WNK3: variants seen among roughly 807,000 people sequenced by gnomAD.
WNK3 encodes serine/threonine-protein kinase WNK3.
WNK3 carries 18 observed loss-of-function variants against 116.7 expected under a neutral mutation model. The observed-to-expected ratio is 0.15, with a 90% confidence interval of 0.11 to 0.23. WNK3 has a LOEUF of 0.23. Among genes scored for constraint, WNK3 ranks in the 10% least tolerant of loss-of-function variants. The pLI is 1.00. For missense variants in WNK3, 993 were observed against 1,323.8 expected (o/e 0.75, Z 3.88); for synonymous variants, 404 against 469.4 (o/e 0.86, Z 1.80).
At chrX:54,290,746 C>T (rs2068629093) in intron 10 of WNK3, among the ~76,000 whole-genome samples, 1 of 111,455 alleles carries the variant, frequency 9.0e-6, no homozygotes, top group African/African-American at 3.3e-5. Context: ...AGTATCATTC[C>T]TAAAATGAAT....
chrX:54,229,593 AC>A (rs1254984516), intron 21 of WNK3, among the ~76,000 whole-genome samples: 1 of 111,057 alleles, frequency 9.0e-6, no homozygotes, highest in African/African-American at 3.3e-5. Context: ...GAAACATAAT[AC>A]CTAATTTTAA....
chrX:54,341,662 T>G (rs185853987), intron 1 of WNK3, among the ~76,000 whole-genome samples: 2 of 111,168 alleles, frequency 1.8e-5, no homozygotes, highest in African/African-American at 6.5e-5. Flanking sequence ...GGATGAACCA[T>G]GAAGACATTA....
At chrX:54,194,448 T>C (rs2067426340) in exon 24 of WNK3, 1 of 112,225 alleles carries the variant, frequency 8.9e-6, no homozygotes, top group African/African-American at 3.2e-5. Flanking sequence ...AGACGAGAAA[T>C]GCATCTCTAA....
intron 22 of WNK3, among the ~76,000 whole-genome samples, chrX:54,207,044 G>A (rs2067560847): frequency 9.3e-6 from 1 of 107,434 alleles, no homozygotes; most frequent in Non-Finnish European, 1.9e-5. Context: ...GAATAAATAA[G>A]TAAAAAATAA....
intron 11 of WNK3, among the ~76,000 whole-genome samples, chrX:54,256,896 C>A (rs782203505): frequency 1.8e-5 from 2 of 112,324 alleles, no homozygotes; most frequent in South Asian, 7.4e-4. Flanking sequence ...TGGGCTATAT[C>A]ATTCACATTC....
rs782383392 is a variant in WNK3 at position 54,197,103 on chromosome X, T to C, written c.*1221A>G. ...AAGTCTCGAAACCTACTGTGTCAAG[T>C]AAATTTCACTTCAGAAGAATGGATT... On this transcript the variant is annotated 3_prime_UTR_variant, in exon 24 of 24. Transcript: ENST00000354646. The C allele has an allele frequency of 2.8e-4, 31 of 112,075 alleles. 1 individual carries two copies. Among genetic ancestry groups the C allele is most frequent in the Non-Finnish European group, 1.5e-4 (8 of 53,177 alleles). 9.2% of individuals were successfully genotyped at this position (112,075 alleles called of 1,213,427 possible).
intron 3 of WNK3, among the ~76,000 whole-genome samples, chrX:54,310,315 C>T (rs1453606925): frequency 3.6e-5 from 4 of 109,744 alleles, no homozygotes; most frequent in African/African-American, 1.3e-4. Context: ...CTGAGGTGGG[C>T]AGATTGCTTT....
rs1329710503 is a variant in WNK3, at chrX:54,207,777, G to A, written c.4871-5584C>T. The stretch of plus-strand genomic sequence containing the variant: ...GATCCACCCGCCCCAGCCTCCCAAA[G>A]TGCTGGGATTACAGGCGTGAGCCAC... On this transcript the variant is annotated intron_variant, in intron 22 of 23. Transcript: ENST00000354646. Among the ~76,000 whole-genome samples the A allele has an allele frequency of 2.7e-5, 3 of 110,622 alleles. No homozygotes were observed. In the East Asian group the frequency reaches 8.5e-4, roughly 31 times the overall value.
intron 22 of WNK3, among the ~76,000 whole-genome samples, chrX:54,222,920 A>AG (rs2067785594): frequency 1.1e-5 from 1 of 90,913 alleles, no homozygotes; most frequent in Non-Finnish European, 2.0e-5. Flanking sequence ...ATAATAATAT[A>AG]TATATATATA....
At chrX:54,347,105 T>C (rs1557177752) in intron 1 of WNK3, among the ~76,000 whole-genome samples, 1 of 111,986 alleles carries the variant, frequency 8.9e-6, no homozygotes, top group African/African-American at 3.2e-5. Context: ...TCTTACTAAG[T>C]TCACAGTTAT....
chrX:54,221,817 G>C (rs1205904939), intron 22 of WNK3, among the ~76,000 whole-genome samples: 4 of 108,632 alleles, frequency 3.7e-5, no homozygotes, highest in Non-Finnish European at 7.7e-5. Context: ...CTGGGCAACA[G>C]AGCAAGACCC....
At chrX:54,193,793 T>G (rs782112719) in exon 24 of WNK3, 16 of 111,610 alleles carry the variant, frequency 1.4e-4, no homozygotes, top group African/African-American at 5.2e-4. Context: ...CGATCTGCAT[T>G]TTTAAAATTT....
intron 1 of WNK3, among the ~76,000 whole-genome samples, chrX:54,354,293 C>G (rs2069561591): frequency 9.0e-6 from 1 of 111,586 alleles, no homozygotes; most frequent in South Asian, 3.8e-4. Context: ...CAAATATCTC[C>G]TAACGGCATC....
intron 1 of WNK3, among the ~76,000 whole-genome samples, chrX:54,355,339 T>C (rs1557179235): frequency 9.0e-6 from 1 of 111,488 alleles, no homozygotes; most frequent in Non-Finnish European, 1.9e-5. Flanking sequence ...TACTAGGGCA[T>C]GTCTTGTTTT....
intron 2 of WNK3, among the ~76,000 whole-genome samples, chrX:54,314,171 C>A (rs782364313): frequency 1.0e-5 from 1 of 95,241 alleles, no homozygotes; most frequent in Admixed American, 1.2e-4. Context: ...CCAGCCTGGG[C>A]GACAGAGTGA....
intron 7 of WNK3, 103 bp downstream of exon 7, chrX:54,298,072 C>CA (rs1328290041): frequency 1.2e-4 from 71 of 601,050 alleles, no homozygotes; most frequent in Non-Finnish European, 1.5e-4. Flanking sequence ...GACTCTGTCT[C>CA]AAAAAAAAGG....
At chrX:54,222,915 A>ATATATATATATATATAT (rs1557146885) in intron 22 of WNK3, among the ~76,000 whole-genome samples, 1 of 81,020 alleles carries the variant, frequency 1.2e-5, no homozygotes, top group Admixed American at 1.5e-4. Flanking sequence ...TAATAATAAT[A>ATATATATATATATATAT]ATATATATAT....
exon 15 of WNK3, chrX:54,251,419 G>T: frequency 8.5e-7 from 1 of 1,181,592 alleles, no homozygotes; most frequent in Non-Finnish European, 1.1e-6. Context: ...AGTAGATGTA[G>T]AATTTATCTG....
At chrX:54,312,009 G>A (rs781875160) in intron 2 of WNK3, among the ~76,000 whole-genome samples, 1 of 111,049 alleles carries the variant, frequency 9.0e-6, no homozygotes, top group Non-Finnish European at 1.9e-5. Flanking sequence ...TAAAAATTTG[G>A]ACACAAAAAG....
Sources: allele counts gnomAD v4.1 joint callset (sites outside exome capture counted in the v4.1 genomes callset), GRCh38; gene constraint gnomAD v4.1.1; transcripts MANE v1.5; gene names NCBI Gene and HGNC (gene_info 2026-07-23, HGNC 2026-07-21).